The following CRYBG2 variants were observed in gnomAD, a reference collection of about 807,000 sequenced individuals.
CRYBG2 encodes crystallin beta-gamma domain containing 2.
Under a neutral mutation model 153.4 loss-of-function variants are expected in CRYBG2, and 106 were observed. That is an observed-to-expected ratio of 0.69 (90% CI 0.59 to 0.81). The LOEUF (loss-of-function observed/expected upper bound fraction) is 0.81, where lower values mean the gene tolerates loss of function less well. CRYBG2 is among the 30% of genes least tolerant of loss of function. CRYBG2 has a pLI of 0.00. For missense variants in CRYBG2, 1,996 were observed against 2,112.0 expected (o/e 0.95, Z 1.08); for synonymous variants, 851 against 877.8 (o/e 0.97, Z 0.54).
chr1:26,337,454 C>T (rs2074075757), intron 9 of CRYBG2, 75 bp from the exon 10 acceptor site: 4 of 1,600,460 alleles, frequency 2.5e-6, no homozygotes, highest in Admixed American at 3.4e-5. Flanking sequence ...GCTGTCCCCA[C>T]CCCTACGCAG....
In CRYBG2 at chr1:26,338,486, A is replaced by G; in HGVS notation, c.3345-9T>C. ...TGGGGTACAGTAGCCACCTAGGGGAAACAGAGAGGCTGCTGCACCCTAGCA... is the reference window on the plus strand; with the variant it reads ...TGGGGTACAGTAGCCACCTAGGGGAGACAGAGAGGCTGCTGCACCCTAGCA... On this transcript the variant is annotated splice_polypyrimidine_tract_variant and intron_variant, in intron 6 of 19. Coordinates refer to ENST00000308182, the MANE Select transcript of CRYBG2 (RefSeq NM_001039775.4). 1 of 1,596,350 alleles carries G rather than the reference A, an allele frequency of 6.3e-7. No homozygotes were observed. The highest frequency in any genetic ancestry group is 8.5e-7 in the Non-Finnish European group (1 of 1,171,978).
rs1353363792 is a variant in CRYBG2 at position 26,336,984 on chromosome 1, G to A, written c.3772-4C>T. ...CGACGGCCGGGTCCCCGAAGTCCTG[G>A]GTCCCCAGGGACAGTCAGGTCTCTC... On this transcript the variant is annotated splice_polypyrimidine_tract_variant and splice_region_variant and intron_variant, in intron 10 of 19. Transcript: ENST00000308182. The surrounding 1 kb of genome is among the most constrained non-coding windows in gnomAD (Gnocchi z 4.9). 1 of 1,613,490 alleles carries A rather than the reference G, an allele frequency of 6.2e-7. No individual in the cohort carries two copies. The highest frequency in any genetic ancestry group is 1.1e-5 in the South Asian group (1 of 90,986).
chr1:26,331,672 C>G, intron 14 of CRYBG2, 54 bp from the exon 15 acceptor site: 1 of 1,597,458 alleles, frequency 6.3e-7, no homozygotes, highest in East Asian at 2.2e-5. Context: ...CTTGGCCTGC[C>G]CAGGTTCCCC....
intron 10 of CRYBG2, 65 bp from the exon 11 acceptor site, chr1:26,337,045 C>T: frequency 2.5e-6 from 4 of 1,593,320 alleles, no homozygotes; most frequent in Non-Finnish European, 3.4e-6. Flanking sequence ...AGTGCCCAGA[C>T]CCCAGGGTCA....
At chr1:26,337,012 G>T (rs201912800) in intron 10 of CRYBG2, 32 bp from the exon 11 acceptor site, 265 of 1,610,636 alleles carry the variant, frequency 1.6e-4, no homozygotes, top group Non-Finnish European at 2.1e-4. Context: ...GGTCTCTCCC[G>T]CCCACAAACC....
chr1:26,329,063 G>A (rs944764139), intron 15 of CRYBG2, among the ~76,000 whole-genome samples, 190 bp from the exon 16 acceptor site: 4 of 151,886 alleles, frequency 2.6e-5, no homozygotes, highest in South Asian at 2.1e-4. Context: ...GGCAGTAAGC[G>A]CTAGGCTGGG....
At position 26,344,407 on chromosome 1, in the gene CRYBG2, T is replaced by C. The variant is rs541946151; in HGVS notation, c.2251A>G (p.Thr751Ala). Residue 751 changes from threonine (T) to alanine (A), a missense_variant, in exon 2 of 20, where the codon ACA becomes GCA. Physicochemically the swap from Thr to Ala is moderately conservative, Grantham distance 58. Coordinates refer to ENST00000308182, the MANE Select transcript of CRYBG2 (RefSeq NM_001039775.4). ...DPTEGKTCTE[T>A]SREEDEVALA... ...GCCACCTCATCCTCCTCCCTTGATG[T>C]CTCTGTGCACGTCTTGCCCTCGGTG... 1.8e-4 allele frequency: 279 copies of C among 1,522,270 alleles called. No homozygotes were observed. Among genetic ancestry groups the C allele is most frequent in the Non-Finnish European group, 2.3e-4 (255 of 1,131,890 alleles). The allele number at this position is 1,522,270 out of a possible 1,614,324, so 94.3% of individuals were successfully genotyped here. A position where few individuals can be genotyped will look rare whatever the true frequency, so the allele number is the denominator to read the frequency against.
At chr1:26,324,790 C>G (rs777402324) in intron 17 of CRYBG2, 7 of 152,370 alleles carry the variant, frequency 4.6e-5, no homozygotes, top group Non-Finnish European at 8.8e-5. Context: ...GCACACACAC[C>G]TGTGTTGAAG....
intron 5 of CRYBG2, among the ~76,000 whole-genome samples, chr1:26,340,854 T>C (rs2074119836): frequency 1.3e-5 from 2 of 151,680 alleles, no homozygotes; most frequent in African/African-American, 4.8e-5. Context: ...TGACCTCAGG[T>C]GATCCACCTG....
At chr1:26,337,743 C>T (rs2124705172) in intron 8 of CRYBG2, 69 bp from the exon 9 acceptor site, 1 of 1,572,274 alleles carries the variant, frequency 6.4e-7, no homozygotes, top group Non-Finnish European at 8.6e-7. Flanking sequence ...AATGGCTCTG[C>T]CCAGCATCAG....
chr1:26,333,048 A>G (rs981608709), intron 14 of CRYBG2, among the ~76,000 whole-genome samples: 4 of 128,426 alleles, frequency 3.1e-5, no homozygotes, highest in African/African-American at 8.9e-5. Context: ...AAAAAAAAAG[A>G]TTTCTAACAG....
rs371113453 is a variant in CRYBG2, at chr1:26,337,605, G to A, written c.3577C>T (p.Gln1193Ter). The change falls in exon 9 of 20, where the codon CAG becomes TAG. Residue 1193 changes from glutamine (Q) to a stop codon, truncating the protein, a stop_gained. Transcript: ENST00000308182. LOFTEE classifies it high-confidence loss of function. ...GGGCTCTGGCTGTCCTCTGGCTGCT[G>A]AAGGTTGTAGATGTCTCGGCTCACT... ...WEVSRDIYNL[Q>*]QPEDSQSPHL... 1.9e-5 allele frequency: 30 copies of A among 1,613,164 alleles called. 1 individual carries two copies. In the South Asian group the frequency reaches 3.1e-4, roughly 17 times the overall value.
In CRYBG2 at chr1:26,336,561, G is replaced by A. The variant is rs369413421; in HGVS notation, c.4038+45C>T. On this transcript the variant is annotated intron_variant, in intron 12 of 19. Coordinates refer to ENST00000308182, the MANE Select transcript of CRYBG2 (RefSeq NM_001039775.4). The surrounding 1 kb of genome is among the most constrained non-coding windows in gnomAD (Gnocchi z 4.9). ...GGGGGCGGGGCGCACCCGAACTCCA[G>A]GTCCCGCCACCGGGGAGGCCCCGCC... The A allele has an allele frequency of 4.3e-4, 661 of 1,540,902 alleles. 6 individuals carry two copies. In the African/African-American group the frequency reaches 8.5e-3, roughly 20 times the overall value.
At chr1:26,328,369 A>G (rs751042675) in intron 16 of CRYBG2, 37 bp from the exon 17 acceptor site, 30 of 1,551,766 alleles carry the variant, frequency 1.9e-5, no homozygotes, top group Middle Eastern at 1.7e-4. Context: ...AGAGAAGAGC[A>G]CAGACACACA....
chr1:26,324,328 C>A lies in CRYBG2; in HGVS notation c.4579-18G>T. 1 of 1,593,600 alleles carries A rather than the reference C, an allele frequency of 6.3e-7. No homozygotes were observed. The highest frequency in any genetic ancestry group is 1.7e-5 in the Admixed American group (1 of 59,158). Reference sequence around the variant, plus strand: ...ACCCGGCGCTGGTGGCAGAAAGAGGCTGAGAGTCAGGGGTGCCGGGGAGGG... The same window carrying A: ...ACCCGGCGCTGGTGGCAGAAAGAGGATGAGAGTCAGGGGTGCCGGGGAGGG... On this transcript the variant is annotated intron_variant, in intron 17 of 19. Coordinates refer to ENST00000308182, the MANE Select transcript of CRYBG2 (RefSeq NM_001039775.4).
intron 1 of CRYBG2, among the ~76,000 whole-genome samples, chr1:26,347,291 T>TTG (rs2074235122): frequency 7.5e-6 from 1 of 132,950 alleles, no homozygotes; most frequent in African/African-American, 2.9e-5. Flanking sequence ...TGCGTTTTTT[T>TTG]TTTTTTTTTT....
intron 1 of CRYBG2, among the ~76,000 whole-genome samples, chr1:26,351,491 A>C (rs144252426): frequency 6.6e-6 from 1 of 152,196 alleles, no homozygotes; most frequent in Non-Finnish European, 1.5e-5. Flanking sequence ...CAACTTTCTC[A>C]TGAAAGGTGG....
At chr1:26,342,955 G>A in intron 4 of CRYBG2, 72 bp from the exon 5 acceptor site, 1 of 1,584,284 alleles carries the variant, frequency 6.3e-7, no homozygotes. Context: ...TAGCTGATGG[G>A]GTTTCTCCCA....
intron 1 of CRYBG2, among the ~76,000 whole-genome samples, chr1:26,347,858 T>G (rs1333706201): frequency 6.6e-6 from 1 of 152,206 alleles, no homozygotes; most frequent in African/African-American, 2.4e-5. Context: ...ACTCCTGGGC[T>G]GAAGTGATCC....
Sources: allele counts gnomAD v4.1 joint callset (sites outside exome capture counted in the v4.1 genomes callset), GRCh38; gene constraint gnomAD v4.1.1; non-coding constraint Gnocchi (gnomAD v3.1); transcripts MANE v1.5; gene names NCBI Gene and HGNC (gene_info 2026-07-23, HGNC 2026-07-21).